ERC2: variants seen among roughly 807,000 people sequenced by gnomAD.
ERC2 encodes ELKS/RAB6-interacting/CAST family member 2.
Under a neutral mutation model 114.8 loss-of-function variants are expected in ERC2, and 42 were observed. That is an observed-to-expected ratio of 0.37 (90% CI 0.29 to 0.47). The LOEUF is 0.47. Ranked by LOEUF, ERC2 falls within the 20% of genes least tolerant of loss-of-function variation. ERC2 has a pLI of 0.99. For missense variants in ERC2, 939 were observed against 1,150.7 expected, an observed-to-expected ratio of 0.82 and a Z score of 2.66; for synonymous variants, 454 against 425.5, an observed-to-expected ratio of 1.07 and a Z score of -0.82.
chr3:55,668,379 T>C (rs1480480508), intron 17 of ERC2, among the ~76,000 whole-genome samples: 1 of 152,212 alleles, frequency 6.6e-6, no homozygotes, highest in Non-Finnish European at 1.5e-5. Context: ...GCCTCTCCTC[T>C]GTAAAATGGG....
chr3:56,152,378 A>C (rs960091592), intron 4 of ERC2, among the ~76,000 whole-genome samples: 10 of 149,288 alleles, frequency 6.7e-5, no homozygotes, highest in African/African-American at 2.0e-4. Context: ...TGGATTCTTC[A>C]AGGGAAAACT....
At chr3:55,735,031 T>A (rs1278700977) in intron 14 of ERC2, 113 bp from the exon 15 acceptor site, 1 of 1,166,292 alleles carries the variant, frequency 8.6e-7, no homozygotes, top group Non-Finnish European at 1.2e-6. Context: ...AAAGAAATTA[T>A]GAATACTACT....
In ERC2 at chr3:56,170,604, T is replaced by TTTTG. The variant is rs1553861442; in HGVS notation, c.1149+2841_1149+2842insCAAA. On this transcript the variant is annotated intron_variant, in intron 4 of 17. Coordinates refer to ENST00000288221, the MANE Select transcript of ERC2 (RefSeq NM_015576.3). ...TCTTCTGTTTTTTTTTTTTTTTTTTTTTTTTTTTTTGAGGTAGTGTCTCAC... is the reference window on the plus strand; with the variant it reads ...TCTTCTGTTTTTTTTTTTTTTTTTTTTTTGTTTTTTTTTTGAGGTAGTGTCTCAC... 2.4e-3 allele frequency among the ~76,000 whole-genome samples: 323 copies of TTTTG among 133,220 alleles called. 4 individuals carry two copies. Among genetic ancestry groups the TTTTG allele is most frequent in the East Asian group, 6.8e-3 (30 of 4,420 alleles). 87.4% of individuals were successfully genotyped at this position (133,220 alleles called of 152,430 possible). A position where few individuals can be genotyped will look rare whatever the true frequency, so the allele number is the denominator to read the frequency against.
intron 16 of ERC2, among the ~76,000 whole-genome samples, chr3:55,685,535 C>T (rs1251997687): frequency 2.0e-5 from 3 of 152,044 alleles, no homozygotes; most frequent in Non-Finnish European, 2.9e-5. Flanking sequence ...TTTGATGCTC[C>T]TTTTCATCTT....
chr3:56,372,024 A>G (rs1214503467), intron 2 of ERC2, among the ~76,000 whole-genome samples: 1 of 152,224 alleles, frequency 6.6e-6, no homozygotes, highest in Non-Finnish European at 1.5e-5. Flanking sequence ...GTATGAGTCT[A>G]TAGGGCTTCA....
At chr3:56,253,181 T>C (rs1362017776) in intron 3 of ERC2, among the ~76,000 whole-genome samples, 1 of 152,194 alleles carries the variant, frequency 6.6e-6, no homozygotes, top group Non-Finnish European at 1.5e-5. Context: ...CCAGAGACCA[T>C]TCCCTTCTCT....
intron 17 of ERC2, among the ~76,000 whole-genome samples, chr3:55,660,180 A>C (rs2061062209): frequency 6.6e-6 from 1 of 152,188 alleles, no homozygotes; most frequent in African/African-American, 2.4e-5. Flanking sequence ...ATTTGAGGTC[A>C]CAATTTCTGT....
chr3:55,992,171 T>G lies in ERC2; in HGVS notation c.2141A>C (p.Tyr714Ser). Residue 714 changes from tyrosine (Y) to serine (S), a missense_variant, in exon 11 of 18, where the codon TAC becomes TCC. Physicochemically the swap from Tyr to Ser is moderately radical, Grantham distance 144 (BLOSUM62 -2). This residue lies in a region of ERC2 where 328 missense variants were observed against 353.9 expected (regional missense o/e 0.93). Coordinates refer to ENST00000288221, the MANE Select transcript of ERC2 (RefSeq NM_015576.3). Reference sequence around the variant, plus strand: ...GGCCTTGCCACACTCGTCGCGGTAGTAAGACGCCTCTTTATCGAGCTGTTT... The same window carrying G: ...GGCCTTGCCACACTCGTCGCGGTAGGAAGACGCCTCTTTATCGAGCTGTTT... The part of the protein sequence containing the change: ...QIKQLDKEAS[Y>S]YRDECGKAQA... 1 of 1,613,964 alleles carries G rather than the reference T, an allele frequency of 6.2e-7. No homozygotes were observed. Among genetic ancestry groups the G allele is most frequent in the Admixed American group, 1.7e-5 (1 of 60,010 alleles).
chr3:55,720,121 CTTCT>C, intron 15 of ERC2, among the ~76,000 whole-genome samples: 1 of 24,016 alleles, frequency 4.2e-5, no homozygotes, highest in Admixed American at 4.3e-4. Flanking sequence ...CCTCCTCCTC[CTTCT>C]TCTTCCTCTT....
intron 14 of ERC2, among the ~76,000 whole-genome samples, chr3:55,885,529 T>A (rs572547475): frequency 6.6e-6 from 1 of 152,338 alleles, no homozygotes; most frequent in Non-Finnish European, 1.5e-5. Context: ...AACACAGGAA[T>A]TTTGTATTTA....
intron 2 of ERC2, among the ~76,000 whole-genome samples, chr3:56,320,278 G>A (rs2057068355): frequency 6.6e-6 from 1 of 152,116 alleles, no homozygotes; most frequent in Non-Finnish European, 1.5e-5. Flanking sequence ...ACTTTTCAAG[G>A]AAACAAAAAT....
Position 55,522,682 on chromosome 3 carries a change from T to C in ERC2, c.*40-11406A>G, listed in dbSNP as rs948631192. On this transcript the variant is annotated intron_variant, in intron 17 of 17. Coordinates refer to ENST00000288221, the MANE Select transcript of ERC2 (RefSeq NM_015576.3). ...TAAATCCCATGCCAAAGCCTGCCCT[T>C]GTAGGTCTGCATGAAGCACAAGGGC... is the stretch of plus-strand genomic sequence containing the variant. Among the ~76,000 whole-genome samples the C allele has an allele frequency of 3.9e-5, 6 of 152,288 alleles. No homozygotes were observed. The South Asian group carries it at 1.2e-3, about 32-fold the overall frequency.
chr3:55,794,999 C>A (rs2149085501), intron 14 of ERC2, among the ~76,000 whole-genome samples: 1 of 152,266 alleles, frequency 6.6e-6, no homozygotes, highest in African/African-American at 2.4e-5. Context: ...TGATTTGCTT[C>A]AAATGGTCTA....
In ERC2 at chr3:56,249,375, G is replaced by C. The variant is rs537370678; in HGVS notation, c.1074+46644C>G. On this transcript the variant is annotated intron_variant, in intron 3 of 17. Transcript: ENST00000288221. ...GAGTCTCGCTCTGTCATCCAGGCTG[G>C]AGTGCAGTGGTGCAATCTCAGCTCA... 2.6e-5 allele frequency among the ~76,000 whole-genome samples: 4 copies of C among 152,132 alleles called. No homozygotes were observed. The East Asian group carries it at 7.7e-4, about 29-fold the overall frequency.
intron 3 of ERC2, among the ~76,000 whole-genome samples, chr3:56,288,431 T>C (rs775228156): frequency 1.3e-5 from 2 of 152,194 alleles, no homozygotes; most frequent in Non-Finnish European, 1.5e-5. Context: ...CCTGTCACTT[T>C]CTTTTCTCAG....
intron 3 of ERC2, among the ~76,000 whole-genome samples, chr3:56,235,118 C>T (rs1429996298): frequency 1.3e-5 from 2 of 152,112 alleles, no homozygotes; most frequent in Non-Finnish European, 2.9e-5. Flanking sequence ...GTCCAGAGTC[C>T]TTTGGTCTGT....
intron 13 of ERC2, among the ~76,000 whole-genome samples, chr3:55,932,700 T>G (rs1294353610): frequency 6.6e-6 from 1 of 152,192 alleles, no homozygotes; most frequent in Non-Finnish European, 1.5e-5. Flanking sequence ...TCCAGTGGGA[T>G]TCTTTATTCC....
chr3:56,458,642 A>T (rs1425144528), intron 1 of ERC2, among the ~76,000 whole-genome samples: 1 of 152,068 alleles, frequency 6.6e-6, no homozygotes, highest in Non-Finnish European at 1.5e-5. Flanking sequence ...ACAAGCCCAT[A>T]CGAATGCCAC....
intron 14 of ERC2, among the ~76,000 whole-genome samples, chr3:55,794,661 A>C (rs2070333089): frequency 6.6e-6 from 1 of 152,198 alleles, no homozygotes; most frequent in Non-Finnish European, 1.5e-5. Context: ...GGGGATAACT[A>C]CTTCTAAACA....
Sources: allele counts gnomAD v4.1 joint callset (sites outside exome capture counted in the v4.1 genomes callset), GRCh38; gene constraint gnomAD v4.1.1; regional missense constraint gnomAD v4.1.1; transcripts MANE v1.5; gene names NCBI Gene and HGNC (gene_info 2026-07-23, HGNC 2026-07-21).